LEO1: variants seen among roughly 807,000 people sequenced by gnomAD.
LEO1 encodes the protein LEO1 component of Paf1/RNA polymerase II complex, also known as RNA polymerase-associated protein LEO1.
A neutral mutation model predicts 80.4 loss-of-function variants in LEO1; 34 were observed. That is an observed-to-expected ratio of 0.42 (90% confidence interval 0.32 to 0.56). The LOEUF is 0.56. Among genes scored for constraint, LEO1 ranks in the 20% least tolerant of loss-of-function variants. The pLI, the probability that LEO1 is intolerant of heterozygous loss-of-function variation, is 0.10. For missense variants in LEO1, 631 were observed against 814.2 expected, an observed-to-expected ratio of 0.77 and a Z score of 2.74; for synonymous variants, 262 against 274.9, an observed-to-expected ratio of 0.95 and a Z score of 0.46.
intron 11 of LEO1, among the ~76,000 whole-genome samples, chr15:51,938,539 G>C (rs904450878): frequency 2.6e-5 from 4 of 152,186 alleles, no homozygotes; most frequent in African/African-American, 7.2e-5. Context: ...CACTGGTCCT[G>C]TCAGGATATT....
rs1010194440 is a variant in LEO1, at chr15:51,938,330, A to T, written c.1897-70T>A. ...ATTTTTAGGATGGTTTATGAAAAGT[A>T]GCTATGAGCTGAATGACCCTCTGAC... On this transcript the variant is annotated intron_variant, in intron 11 of 11. Coordinates refer to ENST00000299601, the MANE Select transcript of LEO1 (RefSeq NM_138792.4). The T allele has an allele frequency of 5.7e-6, 5 of 881,676 alleles. No individual in the cohort carries two copies. In the African/African-American group the frequency reaches 8.4e-5, roughly 15 times the overall value. The allele number at this position is 881,676 out of a possible 1,614,324, so 54.6% of individuals were successfully genotyped here. A position where few individuals can be genotyped will look rare whatever the true frequency, so the allele number is the denominator to read the frequency against.
intron 11 of LEO1, among the ~76,000 whole-genome samples, chr15:51,943,486 G>A (rs536532563): frequency 1.3e-5 from 2 of 151,830 alleles, no homozygotes; most frequent in African/African-American, 4.8e-5. Flanking sequence ...TGAATCACAA[G>A]GTCAGGAGTT....
chr15:51,967,837 A>C (rs1178160894), intron 1 of LEO1, among the ~76,000 whole-genome samples: 1 of 152,256 alleles, frequency 6.6e-6, no homozygotes, highest in Admixed American at 6.5e-5. Context: ...GACAAAAGAA[A>C]ACATAAATTG....
intron 11 of LEO1, among the ~76,000 whole-genome samples, chr15:51,944,042 T>C (rs1267646500): frequency 6.6e-6 from 1 of 152,110 alleles, no homozygotes; most frequent in African/African-American, 2.4e-5. Flanking sequence ...AGAAAAAATA[T>C]TAAATGAAAC....
At chr15:51,950,516 G>A (rs2141755697) in intron 9 of LEO1, among the ~76,000 whole-genome samples, 1 of 152,266 alleles carries the variant, frequency 6.6e-6, no homozygotes, top group East Asian at 1.9e-4. Context: ...GCGTCCTAGA[G>A]CCACAAGGTA....
chr15:51,969,254 T>C (rs8029036), intron 1 of LEO1, among the ~76,000 whole-genome samples: 85,567 of 151,684 alleles, frequency 0.56, 24,341 homozygotes, highest in South Asian at 0.67. Flanking sequence ...CCACTGTGCC[T>C]GGCCTAAAAC....
At chr15:51,962,219 T>C (rs1206883797) in intron 3 of LEO1, among the ~76,000 whole-genome samples, 170 bp downstream of exon 3, 1 of 151,648 alleles carries the variant, frequency 6.6e-6, no homozygotes, top group Non-Finnish European at 1.5e-5. Context: ...TAATTAAGCA[T>C]GAGCAGCTTC....
intron 2 of LEO1, among the ~76,000 whole-genome samples, chr15:51,963,492 T>C (rs1022113076): frequency 1.3e-5 from 2 of 152,198 alleles, no homozygotes; most frequent in African/African-American, 4.8e-5. Flanking sequence ...TAGTAAGAGA[T>C]AAGCAGAATG....
intron 11 of LEO1, among the ~76,000 whole-genome samples, chr15:51,942,393 G>T (rs2056860777): frequency 6.6e-6 from 1 of 151,354 alleles, no homozygotes; most frequent in Non-Finnish European, 1.5e-5. Flanking sequence ...GCCCAGCCTA[G>T]AAGAAGGCTA....
At chr15:51,954,689 T>G in intron 6 of LEO1, 114 bp from the exon 7 acceptor site, 1 of 704,774 alleles carries the variant, frequency 1.4e-6, no homozygotes, top group Admixed American at 2.2e-5. Context: ...GACAGATGTA[T>G]GTGTGGCAGG....
intron 6 of LEO1, 130 bp from the exon 7 acceptor site, chr15:51,954,705 G>T: frequency 1.5e-6 from 1 of 647,740 alleles, no homozygotes; most frequent in South Asian, 1.8e-5. Flanking sequence ...GCAGGAGAAT[G>T]AACAACACTG....
At chr15:51,945,514 G>C (rs937195535) in intron 11 of LEO1, among the ~76,000 whole-genome samples, 3 of 152,092 alleles carry the variant, frequency 2.0e-5, no homozygotes, top group African/African-American at 4.8e-5. Flanking sequence ...TCCAGTGAGA[G>C]CTTCCCTGAA....
chr15:51,953,013 G>T, intron 8 of LEO1, 116 bp downstream of exon 8: 1 of 804,066 alleles, frequency 1.2e-6, no homozygotes, highest in East Asian at 2.6e-5. Context: ...ACAAGATCTT[G>T]GTTCTTGCTG....
chr15:51,942,643 C>G (rs753958597), intron 11 of LEO1, among the ~76,000 whole-genome samples: 2 of 151,824 alleles, frequency 1.3e-5, no homozygotes, highest in Admixed American at 1.3e-4. Flanking sequence ...AAATTTTGGC[C>G]AGGTGCGGTG....
chr15:51,942,949 A>C (rs577834152), intron 11 of LEO1, among the ~76,000 whole-genome samples: 3,609 of 149,144 alleles, frequency 0.024, 60 homozygotes, highest in Non-Finnish European at 0.038. Flanking sequence ...CAAAAAAAAA[A>C]CAACAAACAA....
chr15:51,948,872 G>A (rs1172938130), intron 10 of LEO1, among the ~76,000 whole-genome samples: 2 of 152,226 alleles, frequency 1.3e-5, no homozygotes, highest in African/African-American at 4.8e-5. Flanking sequence ...GTAAGAACCA[G>A]GTGGATGCAG....
chr15:51,945,914 G>A (rs866689527), intron 11 of LEO1, among the ~76,000 whole-genome samples: 26 of 151,756 alleles, frequency 1.7e-4, no homozygotes, highest in African/African-American at 6.0e-4. Flanking sequence ...GGCGCCTGTA[G>A]TCCCAGCTAC....
At chr15:51,944,999 G>A (rs1433447552) in intron 11 of LEO1, among the ~76,000 whole-genome samples, 1 of 152,010 alleles carries the variant, frequency 6.6e-6, no homozygotes, top group African/African-American at 2.4e-5. Flanking sequence ...AACAGGTAAG[G>A]CCATTATTTC....
At chr15:51,962,702 T>G (rs972043490) in intron 2 of LEO1, among the ~76,000 whole-genome samples, 4 of 152,198 alleles carry the variant, frequency 2.6e-5, no homozygotes, top group Non-Finnish European at 4.4e-5. Context: ...GACTACATAC[T>G]TACTGTATAA....
Sources: allele counts gnomAD v4.1 joint callset (sites outside exome capture counted in the v4.1 genomes callset), GRCh38; gene constraint gnomAD v4.1.1; transcripts MANE v1.5; gene names NCBI Gene and HGNC (gene_info 2026-07-23, HGNC 2026-07-21).